Variants in MYOM1 observed in about 807,000 individuals in gnomAD.
The protein encoded by MYOM1 is myomesin-1.
Under a neutral mutation model 205.3 loss-of-function variants are expected in MYOM1, and 164 were observed. The ratio of observed to expected loss-of-function variants is 0.80; its 90% CI spans 0.70 to 0.91. The LOEUF is 0.91. Among genes scored for constraint, MYOM1 ranks in the 40% least tolerant of loss-of-function variants. The pLI is 0.00. For missense variants in MYOM1, 2,011 were observed against 2,127.3 expected, an observed-to-expected ratio of 0.95 and a Z score of 1.08; for synonymous variants, 772 against 789.4, an observed-to-expected ratio of 0.98 and a Z score of 0.37.
chr18:3,189,009 A>G lies in MYOM1; in HGVS notation c.510T>C (p.Asn170=). ...KEAAAYIAQR[N]LLASEEGITT... is the part of the protein sequence containing the mutation. The stretch of plus-strand genomic sequence containing the variant: ...TGATTCCTTCCTCACTAGCAAGAAG[A>G]TTCCTCTGGGCTATATAAGCAGCAG... The change falls in exon 4 of 38, where the codon AAT becomes AAC. Residue 170 remains asparagine (N), a synonymous_variant. Transcript: ENST00000356443. The surrounding 1 kb of genome is among the most constrained non-coding windows in gnomAD (Gnocchi z 4.8). The G allele has an allele frequency of 6.2e-7, 1 of 1,613,630 alleles. No individual in the cohort carries two copies. Among genetic ancestry groups the G allele is most frequent in the Non-Finnish European group, 8.5e-7 (1 of 1,179,846 alleles).
chr18:3,166,493 C>T (rs550250276), intron 9 of MYOM1, among the ~76,000 whole-genome samples: 2 of 151,840 alleles, frequency 1.3e-5, no homozygotes, highest in Admixed American at 6.6e-5. Flanking sequence ...ACCAGGTTGG[C>T]CAGGCTGGTC....
At chr18:3,144,761 A>T (rs987756670) in intron 13 of MYOM1, among the ~76,000 whole-genome samples, 2 of 152,218 alleles carry the variant, frequency 1.3e-5, no homozygotes, top group Non-Finnish European at 2.9e-5. Context: ...AAAGTGGTCA[A>T]TTCATAAGAG....
chr18:3,098,114 T>C (rs947520131), intron 25 of MYOM1, among the ~76,000 whole-genome samples: 16 of 152,164 alleles, frequency 1.1e-4, no homozygotes, highest in African/African-American at 3.9e-4. Context: ...TGTTCGAGAG[T>C]AGAAAGTACA....
intron 10 of MYOM1, among the ~76,000 whole-genome samples, chr18:3,158,724 C>T (rs1453492307): frequency 2.0e-5 from 3 of 152,052 alleles, no homozygotes; most frequent in African/African-American, 7.3e-5. Context: ...AGCTCTCCTC[C>T]CTCTTCAGCC....
intron 19 of MYOM1, among the ~76,000 whole-genome samples, chr18:3,120,714 C>T (rs1195959527): frequency 2.0e-5 from 3 of 152,120 alleles, no homozygotes; most frequent in South Asian, 4.2e-4. Context: ...AGGGCATGTA[C>T]AGGTGAAATT....
chr18:3,144,621 T>G (rs2080099003), intron 13 of MYOM1, among the ~76,000 whole-genome samples: 2 of 152,170 alleles, frequency 1.3e-5, no homozygotes, highest in African/African-American at 4.8e-5. Context: ...ACACATAGGC[T>G]AAGTGTAAAA....
rs1186768013 is a variant in MYOM1, at chr18:3,189,020, C to T, written c.499G>A (p.Ala167Thr). ...TCACTAGCAAGAAGATTCCTCTGGG[C>T]TATATAAGCAGCAGCTTCTTTAATT... is the stretch of plus-strand genomic sequence containing the variant. ...ERIKEAAAYI[A>T]QRNLLASEEG... Residue 167 changes from alanine to threonine, a missense_variant, in exon 4 of 38, where the codon GCC (alanine) becomes ACC (threonine). Coordinates refer to ENST00000356443, the MANE Select transcript of MYOM1 (RefSeq NM_003803.4). This position sits in a 1 kb window ranked among gnomAD's most constrained non-coding sequence, Gnocchi z 4.8. 1.1e-5 allele frequency: 17 copies of T among 1,613,608 alleles called. No homozygotes were observed. The East Asian group carries it at 3.3e-4, about 32-fold the overall frequency.
At chr18:3,131,274 G>C in intron 17 of MYOM1, 101 bp downstream of exon 17, 1 of 1,325,100 alleles carries the variant, frequency 7.5e-7, no homozygotes, top group Non-Finnish European at 1.0e-6. Flanking sequence ...CAATCATCCA[G>C]CAATATTGGA....
In MYOM1 at chr18:3,072,842, G is replaced by C. The variant is rs2143629388; in HGVS notation, c.4709-953C>G. ...GCTTAGTAGGGCTAAGCTCAAGGAA[G>C]TAGAACAGATCTCTATGGACAGCCT... On this transcript the variant is annotated intron_variant, in intron 36 of 37. Coordinates refer to ENST00000356443, the MANE Select transcript of MYOM1 (RefSeq NM_003803.4). Among the ~76,000 whole-genome samples the C allele has an allele frequency of 2.6e-5, 4 of 152,250 alleles. 1 individual carries two copies. The South Asian group carries it at 8.3e-4, about 32-fold the overall frequency.
At chr18:3,085,228 G>A in intron 30 of MYOM1, 96 bp from the exon 31 acceptor site, 1 of 152,310 alleles carries the variant, frequency 6.6e-6, no homozygotes, top group Non-Finnish European at 1.1e-5. Context: ...TGCTGCTGCT[G>A]CTTTTTTTTT....
chr18:3,177,994 T>C (rs1468954350), intron 5 of MYOM1, among the ~76,000 whole-genome samples: 3 of 152,198 alleles, frequency 2.0e-5, no homozygotes, highest in Non-Finnish European at 4.4e-5. Flanking sequence ...CCTGGGACCC[T>C]GTCTTCTGGG....
chr18:3,224,153 C>T (rs184543367), upstream of MYOM1, among the ~76,000 whole-genome samples: 8 of 152,002 alleles, frequency 5.3e-5, no homozygotes, highest in South Asian at 2.1e-4. Context: ...TTCAGCCTCC[C>T]GAGTAGCTGG....
At chr18:3,191,380 A>G (rs2080903034) in intron 3 of MYOM1, among the ~76,000 whole-genome samples, 3 of 152,218 alleles carry the variant, frequency 2.0e-5, no homozygotes, top group Admixed American at 2.0e-4. Context: ...TTTACCTCCC[A>G]GGCATGCAGC....
Position 3,122,804 on chromosome 18 carries a change from C to A in MYOM1, c.2992-2809G>T, listed in dbSNP as rs577271481. Among the ~76,000 whole-genome samples, 285 of 152,194 alleles carry A rather than the reference C, an allele frequency of 1.9e-3. 1 individual carries two copies. Among genetic ancestry groups the A allele is most frequent in the African/African-American group, 6.3e-3 (262 of 41,520 alleles). ...AAAATCATATAATCTTCTCAATAGA[C>A]CCCAAAAATGTTTTTGATAATTTTA... On this transcript the variant is annotated intron_variant, in intron 19 of 37. Coordinates refer to ENST00000356443, the MANE Select transcript of MYOM1 (RefSeq NM_003803.4).
At chr18:3,194,454 T>C (rs2080965585) in intron 2 of MYOM1, among the ~76,000 whole-genome samples, 1 of 152,212 alleles carries the variant, frequency 6.6e-6, no homozygotes. Flanking sequence ...ACGTGGGGCT[T>C]ATTAAATGAT....
intron 9 of MYOM1, among the ~76,000 whole-genome samples, chr18:3,167,880 C>T (rs953993027): frequency 5.9e-5 from 9 of 152,174 alleles, no homozygotes; most frequent in African/African-American, 1.7e-4. Flanking sequence ...ACTATCATGG[C>T]TCTAGGCCCT....
At chr18:3,234,267 T>C in the MYOM1 span, among the ~76,000 whole-genome samples, 1 of 152,214 alleles carries the variant, frequency 6.6e-6, no homozygotes, top group Non-Finnish European at 1.5e-5. Flanking sequence ...AAAAGTAATA[T>C]ATGTTTACAA....
At chr18:3,074,972 T>C (rs947045192) in intron 36 of MYOM1, among the ~76,000 whole-genome samples, 5 of 152,144 alleles carry the variant, frequency 3.3e-5, no homozygotes, top group Admixed American at 2.6e-4. Flanking sequence ...TTTTGTATTT[T>C]TTAGTAGAGA....
At chr18:3,136,740 C>A (rs1207772346) in intron 14 of MYOM1, among the ~76,000 whole-genome samples, 2 of 152,122 alleles carry the variant, frequency 1.3e-5, no homozygotes, top group Admixed American at 1.3e-4. Flanking sequence ...TAAAAGAATT[C>A]TTGGTCCTTT....
Sources: gnomAD v4.1 joint callset for allele counts (sites outside exome capture counted in the v4.1 genomes callset) on GRCh38, gnomAD v4.1.1 for gene constraint, Gnocchi (gnomAD v3.1) non-coding constraint, MANE v1.5 for transcripts, NCBI Gene and HGNC (gene_info 2026-07-23, HGNC 2026-07-21) for gene names.